The following COL22A1 variants were observed in gnomAD, a reference collection of about 807,000 sequenced individuals.
COL22A1 encodes collagen alpha-1(XXII) chain.
Under a neutral mutation model 248.9 loss-of-function variants are expected in COL22A1, and 221 were observed. The observed-to-expected ratio is 0.89, with a 90% confidence interval of 0.80 to 0.99. The LOEUF (loss-of-function observed/expected upper bound fraction) is 0.99. Ranked by LOEUF, COL22A1 falls within the 50% of genes least tolerant of loss-of-function variation. The probability of loss-of-function intolerance (pLI) is 0.00; values close to 1 mark genes in which losing one functional copy is unlikely to be tolerated. For synonymous variants in COL22A1, 891 were observed against 793.4 expected, an observed-to-expected ratio of 1.12 and a Z score of -2.07; for missense variants, 2,240 against 2,179.0, an observed-to-expected ratio of 1.03 and a Z score of -0.56.
At chr8:138,786,866 T>G (rs1368577822) in intron 12 of COL22A1, among the ~76,000 whole-genome samples, 1 of 151,942 alleles carries the variant, frequency 6.6e-6, no homozygotes, top group East Asian at 1.9e-4. Context: ...ATCATGCCAC[T>G]GCACTCCAGC....
intron 3 of COL22A1, among the ~76,000 whole-genome samples, chr8:138,852,718 A>T (rs77670048): frequency 0.052 from 7,931 of 152,216 alleles, 240 homozygotes; most frequent in African/African-American, 0.075. Flanking sequence ...AGTGGCCGGC[A>T]AAGGAGACTG....
intron 25 of COL22A1, among the ~76,000 whole-genome samples, chr8:138,722,863 GT>G (rs1249032591): frequency 8.4e-4 from 89 of 106,024 alleles, no homozygotes; most frequent in Middle Eastern, 4.9e-3. Context: ...GGGGGGGGTG[GT>G]GGAAAACACA....
intron 3 of COL22A1, among the ~76,000 whole-genome samples, chr8:138,851,528 T>C (rs1418805522): frequency 6.6e-6 from 1 of 152,160 alleles, no homozygotes; most frequent in Non-Finnish European, 1.5e-5. Context: ...GTGCCAGCCA[T>C]CACCCATGAC....
chr8:138,755,769 A>G lies in COL22A1; in HGVS notation c.1947+16T>C. On this transcript the variant is annotated intron_variant, in intron 19 of 64. Coordinates refer to ENST00000303045, the MANE Select transcript of COL22A1 (RefSeq NM_152888.3). ...ACCAGCACCTGCATCCATGATTCCA[A>G]CCACTGCTGACTCACCACTGAGCCT... 1 of 1,613,750 alleles carries G rather than the reference A, an allele frequency of 6.2e-7. No individual in the cohort carries two copies. Among genetic ancestry groups the G allele is most frequent in the South Asian group, 1.1e-5 (1 of 91,054 alleles).
intron 41 of COL22A1, among the ~76,000 whole-genome samples, chr8:138,664,203 GCGCGCGCACACACACACACACACA>G (rs1824265044): frequency 1.1e-5 from 1 of 90,116 alleles, no homozygotes. Flanking sequence ...GTGCGCGCGC[GCGCGCGCACACACACACACACACA>G]CACACACACA....
intron 3 of COL22A1, among the ~76,000 whole-genome samples, chr8:138,870,759 ATAG>A (rs1305393609): frequency 6.6e-6 from 1 of 151,092 alleles, no homozygotes; most frequent in Admixed American, 6.6e-5. Context: ...GTGTATGCAT[ATAG>A]TATACATGGT....
chr8:138,689,054 TCAGGTCCCCCTGAAGTCAACGACTA>T (rs1209631091), intron 36 of COL22A1, 84 bp from the exon 37 acceptor site: 5 of 1,110,062 alleles, frequency 4.5e-6, no homozygotes, highest in African/African-American at 3.1e-5. Flanking sequence ...GGAAGAATCA[TCAGGTCCCCCTGAAGTCAACGACTA>T]CAGCTCCCAC....
In COL22A1 at chr8:138,636,804, G is replaced by GA. The variant is rs200366128; in HGVS notation, c.3502-10dup. 7.2e-4 allele frequency: 1,152 copies of GA among 1,605,464 alleles called. 7 individuals are homozygous for GA. The African/African-American group carries it at 0.012, about 17-fold the overall frequency. On this transcript the variant is annotated splice_polypyrimidine_tract_variant and intron_variant, in intron 47 of 64. Transcript: ENST00000303045. ...CGTTCTCCTTGACTTCCCTTGAAAG[G>GA]AAAAAAAAGAAAAGAAAGATGTCAC...
rs537007896 is a variant in COL22A1 at position 138,601,465 on chromosome 8, G to A, written c.4185+650C>T. 1.2e-4 allele frequency among the ~76,000 whole-genome samples: 19 copies of A among 152,300 alleles called. No homozygotes were observed. In the South Asian group the frequency reaches 2.7e-3, roughly 22 times the overall value. On this transcript the variant is annotated intron_variant, in intron 60 of 64. Transcript: ENST00000303045. ...GGGGGTGCCTGGGACGTCCATGTCC[G>A]TGTCGTGCAACAGTGTGACAGCGTG... is the stretch of plus-strand genomic sequence containing the variant.
intron 16 of COL22A1, among the ~76,000 whole-genome samples, chr8:138,774,859 C>T (rs938506701): frequency 3.3e-5 from 5 of 152,108 alleles, no homozygotes; most frequent in South Asian, 2.1e-4. Flanking sequence ...TACAGCAGCA[C>T]GGAGAAAACG....
chr8:138,637,689 A>G (rs1416947810), intron 47 of COL22A1, among the ~76,000 whole-genome samples: 1 of 152,204 alleles, frequency 6.6e-6, no homozygotes, highest in Admixed American at 6.5e-5. Context: ...ATAAAATAGT[A>G]TCTTTGTCAT....
chr8:138,598,414 T>A (rs888055610), intron 61 of COL22A1, among the ~76,000 whole-genome samples: 55 of 152,234 alleles, frequency 3.6e-4, no homozygotes, highest in Admixed American at 3.3e-3. Flanking sequence ...GCCCAAGAAA[T>A]TAAGTCTTAA....
At chr8:138,689,096 C>T (rs1420503525) in intron 36 of COL22A1, 126 bp from the exon 37 acceptor site, 1 of 744,946 alleles carries the variant, frequency 1.3e-6, no homozygotes, top group South Asian at 1.5e-5. Context: ...CCACCCAATT[C>T]CCATACTTTA....
intron 54 of COL22A1, 66 bp from the exon 55 acceptor site, chr8:138,616,120 G>C: frequency 7.8e-7 from 1 of 1,289,814 alleles, no homozygotes; most frequent in South Asian, 1.2e-5. Flanking sequence ...TCAACCACAG[G>C]GGCACCTGAG....
At chr8:138,805,721 A>AG (rs1817523128) in intron 10 of COL22A1, among the ~76,000 whole-genome samples, 1 of 114,534 alleles carries the variant, frequency 8.7e-6, no homozygotes. Context: ...GTGATGGTGT[A>AG]GTGATGGTGT....
intron 5 of COL22A1, among the ~76,000 whole-genome samples, chr8:138,827,719 C>G (rs1388264925): frequency 6.7e-6 from 1 of 149,502 alleles, no homozygotes; most frequent in Non-Finnish European, 1.5e-5. Context: ...CTCAATCCCC[C>G]CCACCGAGAA....
intron 18 of COL22A1, among the ~76,000 whole-genome samples, chr8:138,759,505 T>C (rs1270242439): frequency 6.6e-6 from 1 of 152,230 alleles, no homozygotes; most frequent in African/African-American, 2.4e-5. Context: ...CCTCTTGCAC[T>C]TGAGCTCAGG....
chr8:138,746,150 T>C (rs959486841), intron 22 of COL22A1, among the ~76,000 whole-genome samples: 1 of 152,242 alleles, frequency 6.6e-6, no homozygotes, highest in Non-Finnish European at 1.5e-5. Context: ...CCGAGGATTA[T>C]CCTGTCTGCC....
intron 1 of COL22A1, among the ~76,000 whole-genome samples, chr8:138,886,179 T>C (rs1279796948): frequency 3.3e-5 from 5 of 152,236 alleles, no homozygotes; most frequent in Admixed American, 2.6e-4. Flanking sequence ...TCCAGTCATA[T>C]TTCTCACTTG....
Sources: allele counts gnomAD v4.1 joint callset (sites outside exome capture counted in the v4.1 genomes callset), GRCh38; gene constraint gnomAD v4.1.1; transcripts MANE v1.5; gene names NCBI Gene and HGNC (gene_info 2026-07-23, HGNC 2026-07-21).